The following GIGYF1 variants were observed in gnomAD, a reference collection of about 807,000 sequenced individuals.
GIGYF1 encodes the protein GRB10 interacting GYF protein 1.
In GIGYF1, 84 loss-of-function variants were observed where a neutral mutation model predicts 147.1. The observed-to-expected ratio is 0.57, with a 90% CI of 0.48 to 0.68. The LOEUF is 0.68. GIGYF1 is among the 30% of genes least tolerant of loss of function. The pLI, the probability that GIGYF1 is intolerant of heterozygous loss-of-function variation, is 0.00. For synonymous variants in GIGYF1, 752 were observed against 589.5 expected, an observed-to-expected ratio of 1.28 and a Z score of -3.99; for missense variants, 1,485 against 1,393.7, an observed-to-expected ratio of 1.07 and a Z score of -1.04.
Position 100,686,338 on chromosome 7 carries a change from C to T in GIGYF1, c.790G>A (p.Glu264Lys). Residue 264 changes from glutamate (E) to lysine (K), a missense_variant, in exon 11 of 27, where the codon GAG (glutamate) becomes AAG (lysine). Glu to Lys is a moderately conservative substitution (Grantham distance 56). Coordinates refer to ENST00000678049, the MANE Select transcript of GIGYF1 (RefSeq NM_001375765.1). ...CTGCCTCCCCCTCCCCGCCCCTCCT[C>T]TTCACCACACCCTCCTCGATCCCCT... ...LRGDRGGCGEEEGRGGGGSSH... is the reference protein window; with the variant it reads ...LRGDRGGCGEKEGRGGGGSSH... The T allele has an allele frequency of 6.2e-7, 1 of 1,613,518 alleles. No individual in the cohort carries two copies. Among genetic ancestry groups the T allele is most frequent in the South Asian group, 1.1e-5 (1 of 91,046 alleles).
At position 100,680,343 on chromosome 7, in the gene GIGYF1, G is replaced by A. The variant is rs1343305224; in HGVS notation, c.*1376C>T. 6.6e-6 allele frequency: 1 copy of A among 152,602 alleles called. No homozygotes were observed. Among genetic ancestry groups the A allele is most frequent in the Non-Finnish European group, 1.5e-5 (1 of 68,056 alleles). 9.5% of individuals were successfully genotyped at this position (152,602 alleles called of 1,614,324 possible). A position where few individuals can be genotyped will look rare whatever the true frequency, so the allele number is the denominator to read the frequency against. ...CTAATACTGCACTCTGAGCAATGAG[G>A]TCAATGGGAGGAGCTGGATGAGAAA... On this transcript the variant is annotated 3_prime_UTR_variant, in exon 27 of 27. Transcript: ENST00000678049.
chr7:100,679,783 TG>T lies in GIGYF1; in HGVS notation c.*1935del. 1 of 152,442 alleles carries T rather than the reference TG, an allele frequency of 6.6e-6. No homozygotes were observed. Among genetic ancestry groups the T allele is most frequent in the Non-Finnish European group, 1.5e-5 (1 of 68,022 alleles). 9.4% of individuals were successfully genotyped at this position (152,442 alleles called of 1,614,324 possible). A position where few individuals can be genotyped will look rare whatever the true frequency, so the allele number is the denominator to read the frequency against. ...AACATTGACCACTCTCAGAAGGGGA[TG>T]GGGGTGGGAGAGGGCTCCCCCTATA... On this transcript the variant is annotated 3_prime_UTR_variant, in exon 27 of 27. Coordinates refer to ENST00000678049, the MANE Select transcript of GIGYF1 (RefSeq NM_001375765.1).
chr7:100,684,968 TTGAGCTGGGGCC>T lies in GIGYF1; in HGVS notation c.1290+69_1291-75del, dbSNP rs150575556. On this transcript the variant is annotated intron_variant, in intron 14 of 26. Coordinates refer to ENST00000678049, the MANE Select transcript of GIGYF1 (RefSeq NM_001375765.1). ...ATCAGGATGGGGATGGGGATGGAGC[TTGAGCTGGGGCC>T]GGGGCTGGGGCCAAGCAGGTCAGGT... The T allele has an allele frequency of 6.3e-3, 10,008 of 1,578,536 alleles. 577 individuals carry two copies. The African/African-American group carries it at 0.12, about 19-fold the overall frequency.
rs111485276 is a variant in GIGYF1 at position 100,687,973 on chromosome 7, G to A, written c.165+8C>T. The A allele has an allele frequency of 3.1e-5, 50 of 1,609,908 alleles. No individual in the cohort carries two copies. In the African/African-American group the frequency reaches 5.1e-4, roughly 16 times the overall value. On this transcript the variant is annotated splice_region_variant and intron_variant, in intron 5 of 26. Coordinates refer to ENST00000678049, the MANE Select transcript of GIGYF1 (RefSeq NM_001375765.1). ...ACCACCGCCAACCCCCCTCGCCCAC[G>A]CACCCACCTTGTTCTCCTTGACGTA...
chr7:100,687,122 T>C, intron 8 of GIGYF1, 76 bp from the exon 9 acceptor site: 1 of 1,586,516 alleles, frequency 6.3e-7, no homozygotes, highest in South Asian at 1.1e-5. Context: ...CCATGCCTTG[T>C]CCACTGTGCC....
In GIGYF1 at chr7:100,694,229, CCT is replaced by C. The variant is rs1806071030; in HGVS notation, c.-1220_-1219del. Among the ~76,000 whole-genome samples the C allele has an allele frequency of 1.4e-5, 2 of 145,880 alleles. No homozygotes were observed. Among genetic ancestry groups the C allele is most frequent in the African/African-American group, 4.9e-5 (2 of 40,722 alleles). On this transcript the variant is annotated 5_prime_UTR_variant, in exon 1 of 27. Coordinates refer to ENST00000678049, the MANE Select transcript of GIGYF1 (RefSeq NM_001375765.1). ...CGCTGGCGCTCCCGCGGCGGCCGCT[CCT>C]CTGTGTTTGTGTTTGTAGCAAGATG...
At position 100,681,251 on chromosome 7, in the gene GIGYF1, G is replaced by C. The variant is rs1804721597; in HGVS notation, c.*468C>G. ...GGGTAAGTATGGCCTTGGGGGCCAG[G>C]CAGGACAGGTCCACGGGGCCTGTGT... On this transcript the variant is annotated 3_prime_UTR_variant, in exon 27 of 27. Transcript: ENST00000678049. The C allele has an allele frequency of 6.6e-6, 1 of 152,538 alleles. No individual in the cohort carries two copies. Among genetic ancestry groups the C allele is most frequent in the Admixed American group, 6.6e-5 (1 of 15,238 alleles). The allele number at this position is 152,538 out of a possible 1,614,324, so 9.4% of individuals were successfully genotyped here. A position where few individuals can be genotyped will look rare whatever the true frequency, so the allele number is the denominator to read the frequency against.
rs763839483 is a variant in GIGYF1 at position 100,683,105 on chromosome 7, C to G, written c.2319G>C (p.Thr773=). Residue 773 remains threonine (T), a synonymous_variant, in exon 22 of 27, where the codon ACG becomes ACC. Coordinates refer to ENST00000678049, the MANE Select transcript of GIGYF1 (RefSeq NM_001375765.1). The part of the protein sequence containing the change: ...GLAKQGLSMK[T]LLELQLEGER... ...CGCCCTCCAGCTGCAACTCCAGGAG[C>G]GTCTTCATGGACAGCCCCTGCTTGG... The G allele has an allele frequency of 1.3e-6, 2 of 1,591,850 alleles. No homozygotes were observed. The highest frequency in any genetic ancestry group is 3.4e-5 in the Admixed American group (2 of 58,224).
chr7:100,684,426 C>A lies in GIGYF1; in HGVS notation c.1629+24G>T, dbSNP rs1245058359. Reference sequence around the variant, plus strand: ...CCGGCACCCCTCACACCCTGTCCCTCCATGCAGGGGAGAAGCGGCTCACCA... The same window carrying A: ...CCGGCACCCCTCACACCCTGTCCCTACATGCAGGGGAGAAGCGGCTCACCA... On this transcript the variant is annotated intron_variant, in intron 16 of 26. Coordinates refer to ENST00000678049, the MANE Select transcript of GIGYF1 (RefSeq NM_001375765.1). 2.2e-5 allele frequency: 35 copies of A among 1,611,076 alleles called. No homozygotes were observed. The East Asian group carries it at 7.8e-4, about 36-fold the overall frequency.
chr7:100,686,863 G>A, intron 9 of GIGYF1, 44 bp from the exon 10 acceptor site: 2 of 1,594,476 alleles, frequency 1.3e-6, no homozygotes, highest in Non-Finnish European at 1.7e-6. Context: ...AAGGCAGCGT[G>A]GTGCCTGGAC....
chr7:100,691,616 G>T (rs1337615739), intron 1 of GIGYF1, among the ~76,000 whole-genome samples: 1 of 151,852 alleles, frequency 6.6e-6, no homozygotes, highest in Non-Finnish European at 1.5e-5. Context: ...GGGGGCTGGG[G>T]TACTGCCACC....
Position 100,688,622 on chromosome 7 carries a change from A to G in GIGYF1, c.-165T>C. 1 of 481,260 alleles carries G rather than the reference A, an allele frequency of 2.1e-6. No homozygotes were observed. The highest frequency in any genetic ancestry group is 4.1e-6 in the Non-Finnish European group (1 of 245,826). The allele number at this position is 481,260 out of a possible 1,614,324, so 29.8% of individuals were successfully genotyped here. A position where few individuals can be genotyped will look rare whatever the true frequency, so the allele number is the denominator to read the frequency against. On this transcript the variant is annotated 5_prime_UTR_variant, in exon 2 of 27. Coordinates refer to ENST00000678049, the MANE Select transcript of GIGYF1 (RefSeq NM_001375765.1). ...AGCCTGGCCCGGGAAGAAGGAGGGCAGGGGCTGGTGCTGGAGTGAACGAGG... is the reference window on the plus strand; with the variant it reads ...AGCCTGGCCCGGGAAGAAGGAGGGCGGGGGCTGGTGCTGGAGTGAACGAGG...
Position 100,686,751 on chromosome 7 carries a change from A to T in GIGYF1, c.592T>A (p.Trp198Arg). 6.2e-7 allele frequency: 1 copy of T among 1,613,892 alleles called. No homozygotes were observed. The change falls in exon 10 of 27, where the codon TGG (tryptophan) becomes AGG (arginine). Residue 198 changes from tryptophan to arginine, a missense_variant. Physicochemically the swap from Trp to Arg is moderately radical, Grantham distance 101. Coordinates refer to ENST00000678049, the MANE Select transcript of GIGYF1 (RefSeq NM_001375765.1). Reference sequence around the variant, plus strand: ...TCCTGTTCCTCCCGTAGGGAGCGCCAGTTCTCGCTGTCTGAGCGGGCGTGC... The same window carrying T: ...TCCTGTTCCTCCCGTAGGGAGCGCCTGTTCTCGCTGTCTGAGCGGGCGTGC... ...KEHARSDSENWRSLREEQEEE... is the reference protein window; with the variant it reads ...KEHARSDSENRRSLREEQEEE...
Position 100,682,532 on chromosome 7 carries a change from G to A in GIGYF1, c.2601-50C>T, listed in dbSNP as rs1021499312. The A allele has an allele frequency of 5.0e-6, 8 of 1,598,730 alleles. No homozygotes were observed. The African/African-American group carries it at 9.4e-5, about 19-fold the overall frequency. On this transcript the variant is annotated intron_variant, in intron 23 of 26. Transcript: ENST00000678049. ...TTGGAAATCAGCTGGCAGGGGTTGG[G>A]GGGGTCTGCCACCTTCCCCCTCAGG...
chr7:100,690,197 G>C (rs151190121), intron 1 of GIGYF1, among the ~76,000 whole-genome samples: 7 of 152,118 alleles, frequency 4.6e-5, no homozygotes, highest in Non-Finnish European at 1.0e-4. Context: ...GATAACCACC[G>C]CATACCTAAG....
In GIGYF1 at chr7:100,687,518, G is replaced by T; in HGVS notation, c.360C>A (p.Ser120Arg). 1 of 1,611,740 alleles carries T rather than the reference G, an allele frequency of 6.2e-7. No individual in the cohort carries two copies. The highest frequency in any genetic ancestry group is 1.1e-5 in the South Asian group (1 of 90,922). Residue 120 changes from serine to arginine, a missense_variant, in exon 7 of 27, where the codon AGC becomes AGA. Coordinates refer to ENST00000678049, the MANE Select transcript of GIGYF1 (RefSeq NM_001375765.1). ...TCACCCCTCTACCTCGGCTCCGCGT[G>T]CTGCCCCTGCCTCGGGAGGTGCCAG... The part of the protein sequence containing the change: ...PLAGTSRGRG[S>R]TRSRGRGRGD...
rs1805498442 is a variant in GIGYF1, at chr7:100,687,623, AG to A, written c.262-8del. 6.2e-7 allele frequency: 1 copy of A among 1,605,014 alleles called. No individual in the cohort carries two copies. The highest frequency in any genetic ancestry group is 1.7e-5 in the Admixed American group (1 of 59,298). ...CTGACAGGGAGAAGTTTCTCTGAGG[AG>A]GGAGCCAGGGGCGGGAGTGAGGACC... On this transcript the variant is annotated splice_region_variant and splice_polypyrimidine_tract_variant and intron_variant, in intron 6 of 26. Transcript: ENST00000678049.
At position 100,687,759 on chromosome 7, in the gene GIGYF1, C is replaced by T. The variant is rs199651725; in HGVS notation, c.261+29G>A. 1.3e-4 allele frequency: 205 copies of T among 1,606,746 alleles called. No individual in the cohort carries two copies. In the African/African-American group the frequency reaches 2.1e-3, roughly 16 times the overall value. On this transcript the variant is annotated intron_variant, in intron 6 of 26. Coordinates refer to ENST00000678049, the MANE Select transcript of GIGYF1 (RefSeq NM_001375765.1). ...CCCATGGCCTCCCCTCCCAGGCTCCCGCAGCCTCAGCTCCTGGCCCGGTCC... is the reference window on the plus strand; with the variant it reads ...CCCATGGCCTCCCCTCCCAGGCTCCTGCAGCCTCAGCTCCTGGCCCGGTCC...
In GIGYF1 at chr7:100,682,309, G is replaced by C; in HGVS notation, c.2761+13C>G. On this transcript the variant is annotated intron_variant, in intron 24 of 26. Transcript: ENST00000678049. The stretch of plus-strand genomic sequence containing the variant: ...CCCAGGTCCCGCCCACCTCCTGGGA[G>C]CCGCTCGCCCACCGTCCAGGCTGCC... 1 of 1,610,192 alleles carries C rather than the reference G, an allele frequency of 6.2e-7. No individual in the cohort carries two copies. Among genetic ancestry groups the C allele is most frequent in the Non-Finnish European group, 8.5e-7 (1 of 1,179,246 alleles).
Sources: allele counts gnomAD v4.1 joint callset (sites outside exome capture counted in the v4.1 genomes callset), GRCh38; gene constraint gnomAD v4.1.1; transcripts MANE v1.5; gene names NCBI Gene and HGNC (gene_info 2026-07-23, HGNC 2026-07-21).